MYOM2: variants seen among roughly 807,000 people sequenced by gnomAD.
MYOM2 encodes myomesin 2.
Under a neutral mutation model 187.6 loss-of-function variants are expected in MYOM2, and 254 were observed. The observed-to-expected ratio is 1.35, with a 90% confidence interval of 1.22 to 1.50. The LOEUF (loss-of-function observed/expected upper bound fraction) is 1.50. Among genes scored for constraint, MYOM2 ranks in the 40% most tolerant of loss-of-function variants. The pLI is 0.00. For missense variants in MYOM2, 2,796 were observed against 1,924.0 expected (o/e 1.45, Z -8.48); for synonymous variants, 981 against 753.8 (o/e 1.30, Z -4.94).
chr8:2,072,156 G>A (rs1006552550), intron 8 of MYOM2, among the ~76,000 whole-genome samples, 189 bp from the exon 9 acceptor site: 1 of 152,084 alleles, frequency 6.6e-6, no homozygotes, highest in African/African-American at 2.4e-5. Context: ...GCGTGAACCC[G>A]GGAGGCGAAG....
At position 2,072,447 on chromosome 8, in the gene MYOM2, G is replaced by C. The variant is rs373509557; in HGVS notation, c.896G>C (p.Cys299Ser). 2 of 1,614,148 alleles carry C rather than the reference G, an allele frequency of 1.2e-6. No homozygotes were observed. The highest frequency in any genetic ancestry group is 1.7e-6 in the Non-Finnish European group (2 of 1,180,036). The change falls in exon 9 of 37, where the codon TGC becomes TCC. Residue 299 changes from cysteine (C) to serine (S), a missense_variant. By Grantham distance (112) the Cys-to-Ser change is moderately radical. Transcript: ENST00000262113. ...GAAGGCGAGACGGTCACTCTCAAGT[G>C]CACCATGCTGGTGACGCCGGACCTG... The part of the protein sequence containing the change: ...RREGETVTLK[C>S]TMLVTPDLKR...
intron 32 of MYOM2, among the ~76,000 whole-genome samples, chr8:2,132,141 A>G (rs1267502544): frequency 6.6e-6 from 1 of 152,204 alleles, no homozygotes; most frequent in Non-Finnish European, 1.5e-5. Flanking sequence ...AATTTGTTGC[A>G]ATATACTTTA....
At chr8:2,134,552 C>T (rs1797998842) in intron 32 of MYOM2, among the ~76,000 whole-genome samples, 1 of 144,948 alleles carries the variant, frequency 6.9e-6, no homozygotes, top group South Asian at 2.3e-4. Context: ...TGAATCTGGC[C>T]TTCAGCACTG....
intron 23 of MYOM2, among the ~76,000 whole-genome samples, chr8:2,107,996 C>A (rs1294520124): frequency 6.6e-6 from 1 of 152,184 alleles, no homozygotes; most frequent in Non-Finnish European, 1.5e-5. Flanking sequence ...TATGGAAATT[C>A]CTACCAGAAG....
chr8:2,083,541 G>T (rs1015475049), intron 13 of MYOM2, among the ~76,000 whole-genome samples: 13 of 152,074 alleles, frequency 8.5e-5, no homozygotes, highest in African/African-American at 2.9e-4. Context: ...GGCATCTTGC[G>T]TGTGCTTAGC....
At position 2,090,146 on chromosome 8, in the gene MYOM2, G is replaced by A. The variant is rs772563985; in HGVS notation, c.1783G>A (p.Glu595Lys). 2.1e-5 allele frequency: 34 copies of A among 1,613,888 alleles called. No individual in the cohort carries two copies. The highest frequency in any genetic ancestry group is 1.6e-4 in the Middle Eastern group (1 of 6,082). The change falls in exon 15 of 37, where the codon GAA becomes AAA. Residue 595 changes from glutamate to lysine, a missense_variant. Glu to Lys is a moderately conservative substitution (Grantham distance 56). Transcript: ENST00000262113. ...VLSANRHGLSEPSEITSPIQA... is the reference protein window; with the variant it reads ...VLSANRHGLSKPSEITSPIQA... Reference sequence around the variant, plus strand: ...GTCAGCAAACCGGCATGGCCTGAGCGAACCTTCGGAGATAACGTCCCCCAT... The same window carrying A: ...GTCAGCAAACCGGCATGGCCTGAGCAAACCTTCGGAGATAACGTCCCCCAT...
intron 22 of MYOM2, 42 bp downstream of exon 22, chr8:2,106,440 G>C (rs1454409135): frequency 1.2e-6 from 2 of 1,610,710 alleles, no homozygotes; most frequent in Middle Eastern, 1.7e-4. Flanking sequence ...ACTTTTAGAA[G>C]TTCCTGCAAA....
chr8:2,094,547 T>C, intron 17 of MYOM2, among the ~76,000 whole-genome samples: 1 of 152,102 alleles, frequency 6.6e-6, no homozygotes. Flanking sequence ...AGCTACTCGA[T>C]AGGCTGAGGC....
intron 13 of MYOM2, chr8:2,082,256 C>G (rs1819655486): frequency 6.6e-6 from 1 of 152,186 alleles, no homozygotes; most frequent in African/African-American, 2.4e-5. Context: ...CCATTTTAAA[C>G]AAGGAATATG....
At chr8:2,125,882 C>CT (rs1262941829) in intron 31 of MYOM2, among the ~76,000 whole-genome samples, 4 of 151,758 alleles carry the variant, frequency 2.6e-5, no homozygotes, top group Non-Finnish European at 5.9e-5. Context: ...TCCCTAAGTG[C>CT]TGGGATTACA....
chr8:2,072,606 C>A, intron 9 of MYOM2, 97 bp downstream of exon 9: 1 of 1,405,248 alleles, frequency 7.1e-7, no homozygotes, highest in East Asian at 2.4e-5. Context: ...TTGTCTCTAC[C>A]ACTGGGTCAG....
intron 17 of MYOM2, among the ~76,000 whole-genome samples, chr8:2,095,636 G>A (rs1796454202): frequency 6.6e-6 from 1 of 152,130 alleles, no homozygotes; most frequent in Admixed American, 6.6e-5. Context: ...AGTCACCTGT[G>A]TCTCAGGTAA....
At chr8:2,103,034 GAATA>G (rs1361015101) in intron 21 of MYOM2, among the ~76,000 whole-genome samples, 1 of 151,778 alleles carries the variant, frequency 6.6e-6, no homozygotes, top group African/African-American at 2.4e-5. Flanking sequence ...ATGGGTGTCT[GAATA>G]AATGAGTGGG....
intron 32 of MYOM2, among the ~76,000 whole-genome samples, chr8:2,138,607 C>G (rs994509110): frequency 5.3e-5 from 8 of 152,202 alleles, no homozygotes; most frequent in African/African-American, 1.7e-4. Flanking sequence ...TAGATAGAAC[C>G]AAAGTGCTCA....
intron 10 of MYOM2, 49 bp from the exon 11 acceptor site, chr8:2,076,092 C>A: frequency 1.9e-6 from 3 of 1,570,718 alleles, no homozygotes; most frequent in Non-Finnish European, 8.6e-7. Flanking sequence ...TTTGCAGTGA[C>A]CCCAGCCTTT....
intron 34 of MYOM2, among the ~76,000 whole-genome samples, chr8:2,141,649 T>C (rs1398310111): frequency 1.3e-5 from 2 of 152,154 alleles, no homozygotes; most frequent in Admixed American, 6.5e-5. Context: ...GGGGAGCTTA[T>C]CTCAGGGTTG....
At chr8:2,104,766 C>T (rs994789300) in intron 21 of MYOM2, among the ~76,000 whole-genome samples, 4 of 151,948 alleles carry the variant, frequency 2.6e-5, no homozygotes, top group South Asian at 2.1e-4. Context: ...TGGGTGTGTG[C>T]GGAAACGGAC....
chr8:2,144,717 G>A lies in MYOM2; in HGVS notation c.4134G>A (p.Trp1378Ter). The change falls in exon 37 of 37, where the codon TGG becomes TGA. Residue 1378 changes from tryptophan to a stop codon, truncating the protein, a stop_gained. Transcript: ENST00000262113. LOFTEE classifies it low-confidence loss of function (END_TRUNC). Reference protein sequence around the residue: ...VFGNPDPEVIWFKNDQDIQLS... With the variant: ...VFGNPDPEVI ...GAAACCCTGACCCCGAAGTGATTTG[G>A]TTCAAGAACGACCAGGACATCCAGC... The A allele has an allele frequency of 6.2e-7, 1 of 1,613,926 alleles. No homozygotes were observed. Among genetic ancestry groups the A allele is most frequent in the South Asian group, 1.1e-5 (1 of 91,068 alleles).
intron 28 of MYOM2, 152 bp from the exon 29 acceptor site, chr8:2,123,100 C>T (rs1009018341): frequency 4.0e-6 from 2 of 497,568 alleles, no homozygotes; most frequent in South Asian, 4.1e-5. Flanking sequence ...TTGGGAGCGA[C>T]AGCTTTTCCA....
Sources: gnomAD v4.1 joint callset for allele counts (sites outside exome capture counted in the v4.1 genomes callset) on GRCh38, gnomAD v4.1.1 for gene constraint, MANE v1.5 for transcripts, NCBI Gene and HGNC (gene_info 2026-07-23, HGNC 2026-07-21) for gene names.